Variants in RSF1 observed in about 807,000 individuals in gnomAD.
RSF1 encodes remodeling and spacing factor 1.
In RSF1, 13 loss-of-function variants were observed where a neutral mutation model predicts 145.2. That is an observed-to-expected ratio of 0.09 (90% confidence interval 0.06 to 0.14). RSF1 has a LOEUF of 0.14. RSF1 is among the 10% of genes least tolerant of loss of function. The pLI is 1.00. For missense variants in RSF1, 1,517 were observed against 1,718.2 expected (o/e 0.88, Z 2.07); for synonymous variants, 577 against 592.6 (o/e 0.97, Z 0.38).
At chr11:77,752,429 C>A (rs910501982) in intron 2 of RSF1, among the ~76,000 whole-genome samples, 2 of 152,324 alleles carry the variant, frequency 1.3e-5, no homozygotes, top group Non-Finnish European at 2.9e-5. Context: ...CGCTCCTATG[C>A]GAACGGCACA....
At chr11:77,720,549 C>A (rs1960918928) in intron 5 of RSF1, among the ~76,000 whole-genome samples, 1 of 152,196 alleles carries the variant, frequency 6.6e-6, no homozygotes, top group Non-Finnish European at 1.5e-5. Context: ...ACTTGGAAAT[C>A]TACCACAGTC....
the RSF1 span, among the ~76,000 whole-genome samples, chr11:77,860,950 T>C: frequency 1.3e-5 from 2 of 152,180 alleles, no homozygotes; most frequent in Non-Finnish European, 2.9e-5. Flanking sequence ...AATTGGAGTA[T>C]TGCAGGGGCT....
chr11:77,868,148 C>G, the RSF1 span, among the ~76,000 whole-genome samples: 1 of 151,420 alleles, frequency 6.6e-6, no homozygotes, highest in Non-Finnish European at 1.5e-5. Context: ...CTCTGCCTCC[C>G]AGGTTCACGC....
Position 77,747,124 on chromosome 11 carries a change from C to T in RSF1, c.284G>A (p.Cys95Tyr). The T allele has an allele frequency of 6.2e-7, 1 of 1,601,600 alleles. No individual in the cohort carries two copies. The highest frequency in any genetic ancestry group is 8.5e-7 in the Non-Finnish European group (1 of 1,170,034). Residue 95 changes from cysteine (C) to tyrosine (Y), a missense_variant, in exon 3 of 16, where the codon TGC (cysteine) becomes TAC (tyrosine). By Grantham distance (194) the Cys-to-Tyr change is radical (BLOSUM62 -2). Around this residue, in one of 12 missense-constraint regions of RSF1, gnomAD observed 94 missense variants for 143.6 expected, o/e 0.65. Coordinates refer to ENST00000308488, the MANE Select transcript of RSF1 (RefSeq NM_016578.4). ...DRWEKYLIKI[C>Y]QEFNSTWAWE... Reference sequence around the variant, plus strand: ...TGCCCAGGTACTGTTAAACTCTTGGCATATCTGTCAGATAAAGTTAATATC... The same window carrying T: ...TGCCCAGGTACTGTTAAACTCTTGGTATATCTGTCAGATAAAGTTAATATC...
chr11:77,842,773 G>T, the RSF1 span: 2 of 1,162,934 alleles, frequency 1.7e-6, no homozygotes, highest in Non-Finnish European at 2.4e-6. Flanking sequence ...CCCTTTTAAA[G>T]TATGCAATTC....
the RSF1 span, among the ~76,000 whole-genome samples, chr11:77,852,224 C>CA: frequency 0.55 from 18,345 of 33,636 alleles, 4,898 homozygotes; most frequent in South Asian, 0.77. Context: ...GACACTGTCT[C>CA]AAAAAAAAAA....
chr11:77,706,551 A>G lies in RSF1; in HGVS notation c.734-4056T>C, dbSNP rs78238188. On this transcript the variant is annotated intron_variant, in intron 5 of 15. Coordinates refer to ENST00000308488, the MANE Select transcript of RSF1 (RefSeq NM_016578.4). ...TCTTTTTACCAGAAACTTCAGCCAC[A>G]TCGGAAAATTCAGTTTCCCAAAGCT... Among the ~76,000 whole-genome samples the G allele has an allele frequency of 4.2e-3, 642 of 152,290 alleles. 2 individuals carry two copies. Among genetic ancestry groups the G allele is most frequent in the African/African-American group, 0.015 (615 of 41,554 alleles).
At chr11:77,762,074 GC>G (rs1948181566) in intron 2 of RSF1, 1 of 80,380 alleles carries the variant, frequency 1.2e-5, no homozygotes, top group Admixed American at 2.0e-4. Flanking sequence ...TTGCCATGTT[GC>G]CCAGGCTGGT....
chr11:77,705,761 G>A (rs1240359322), intron 5 of RSF1, among the ~76,000 whole-genome samples: 1 of 151,986 alleles, frequency 6.6e-6, no homozygotes, highest in African/African-American at 2.4e-5. Context: ...TCCCAGCTAC[G>A]TGGGAGGATT....
At chr11:77,718,638 G>A (rs1287549892) in intron 5 of RSF1, among the ~76,000 whole-genome samples, 1 of 152,162 alleles carries the variant, frequency 6.6e-6, no homozygotes. Context: ...AACATTACAG[G>A]AATGGTGCTC....
intron 9 of RSF1, among the ~76,000 whole-genome samples, chr11:77,686,360 A>G (rs959353055): frequency 5.0e-5 from 7 of 141,316 alleles, no homozygotes; most frequent in African/African-American, 1.9e-4. Flanking sequence ...GTGAGCTTTG[A>G]TCATGCCACT....
chr11:77,712,314 C>T (rs1453831287), intron 5 of RSF1, among the ~76,000 whole-genome samples: 1 of 152,172 alleles, frequency 6.6e-6, no homozygotes, highest in Non-Finnish European at 1.5e-5. Context: ...CATGCCTTTG[C>T]TTCTCCTTTG....
intron 2 of RSF1, among the ~76,000 whole-genome samples, chr11:77,747,787 A>G (rs1013360769): frequency 2.6e-5 from 4 of 152,342 alleles, no homozygotes; most frequent in African/African-American, 9.6e-5. Context: ...ACTAGAGGTC[A>G]GAGGAAGCCA....
intron 1 of RSF1, among the ~76,000 whole-genome samples, chr11:77,815,277 T>C (rs183928269): frequency 1.5e-3 from 222 of 152,382 alleles, no homozygotes; most frequent in African/African-American, 5.2e-3. Context: ...CTAGAACATA[T>C]GTAATTACAA....
chr11:77,668,930 T>G (rs1056289391), intron 15 of RSF1, among the ~76,000 whole-genome samples: 5 of 152,188 alleles, frequency 3.3e-5, no homozygotes, highest in Non-Finnish European at 7.3e-5. Flanking sequence ...TCATTTATTT[T>G]AGGCAACCAC....
At chr11:77,850,698 T>C in the RSF1 span, 1 of 152,146 alleles carries the variant, frequency 6.6e-6, no homozygotes, top group Admixed American at 6.6e-5. Flanking sequence ...CATTTCCATA[T>C]ATCCTTTACC....
At chr11:77,857,152 A>G in the RSF1 span, among the ~76,000 whole-genome samples, 2 of 152,236 alleles carry the variant, frequency 1.3e-5, no homozygotes, top group East Asian at 3.8e-4. Context: ...AAGAAGCTCT[A>G]TAGAGTAATT....
In RSF1 at chr11:77,690,173, A is replaced by ACC. The variant is rs1308773962; in HGVS notation, c.2900+985_2900+986insGG. Among the ~76,000 whole-genome samples the ACC allele has an allele frequency of 2.6e-4, 39 of 150,720 alleles. No individual in the cohort carries two copies. In the South Asian group the frequency reaches 6.7e-3, roughly 26 times the overall value. On this transcript the variant is annotated intron_variant, in intron 9 of 15. Transcript: ENST00000308488. ...CGAGACTCCATCTCAAAAAAAAAAA[A>ACC]AAAAAAACAAAAAACCTTCTCCAAC...
chr11:77,810,314 T>C (rs548471885), intron 1 of RSF1, among the ~76,000 whole-genome samples: 5 of 152,320 alleles, frequency 3.3e-5, no homozygotes, highest in East Asian at 1.9e-4. Context: ...CATCCTGGCA[T>C]TGCCTTATGA....
Sources: gnomAD v4.1 joint callset for allele counts (sites outside exome capture counted in the v4.1 genomes callset) on GRCh38, gnomAD v4.1.1 for gene constraint, gnomAD v4.1.1 regional missense constraint, MANE v1.5 for transcripts, NCBI Gene and HGNC (gene_info 2026-07-23, HGNC 2026-07-21) for gene names.